The following CDK11A variants were observed in gnomAD, a reference collection of about 807,000 sequenced individuals.
CDK11A encodes cyclin dependent kinase 11A, also known as cyclin-dependent kinase 11A.
A neutral mutation model predicts 83.6 loss-of-function variants in CDK11A; 55 were observed. The observed-to-expected ratio is 0.66, with a 90% confidence interval of 0.53 to 0.82. The LOEUF is 0.82. Ranked by LOEUF, CDK11A falls within the 40% of genes least tolerant of loss-of-function variation. The pLI, the probability that CDK11A is intolerant of heterozygous loss-of-function variation, is 0.00. For missense variants in CDK11A, 564 were observed against 810.1 expected (o/e 0.70, Z 3.69); for synonymous variants, 247 against 302.7 (o/e 0.82, Z 1.91).
intron 3 of CDK11A, among the ~76,000 whole-genome samples, chr1:1,721,193 G>A (rs576498295): frequency 3.9e-5 from 2 of 50,826 alleles, no homozygotes; most frequent in Non-Finnish European, 8.4e-5. Context: ...TTGAGACACC[G>A]TCTCAAAAAA....
intron 11 of CDK11A, among the ~76,000 whole-genome samples, chr1:1,706,954 T>C (rs1389980647): frequency 6.9e-6 from 1 of 144,262 alleles, no homozygotes; most frequent in African/African-American, 2.8e-5. Flanking sequence ...GCCTTATTGA[T>C]AGCTGCCTGA....
Position 1,706,095 on chromosome 1 carries a change from T to C in CDK11A, c.1246-363A>G, listed in dbSNP as rs1188492049. Among the ~76,000 whole-genome samples the C allele has an allele frequency of 1.5e-4, 22 of 150,678 alleles. 1 individual carries two copies. The highest frequency in any genetic ancestry group is 6.3e-4 in the South Asian group (3 of 4,726). On this transcript the variant is annotated intron_variant, in intron 11 of 19. Transcript: ENST00000404249. ...CTGTTTTCTTTTTTTCTTTTTGAGA[T>C]GGAGTCTCGCTCTGTCACCCAGGCT...
rs545959219 is a variant in CDK11A at position 1,708,319 on chromosome 1, C to T, written c.1004-74G>A. On this transcript the variant is annotated intron_variant, in intron 9 of 19. Coordinates refer to ENST00000404249, the MANE Select transcript of CDK11A (RefSeq NM_024011.4). ...TGCCACAGGCAGGATGCGGGCTCCG[C>T]TTCAGCTAAGCAACAAGTGTTCCCA... 1,491 of 1,424,378 alleles carry T rather than the reference C, an allele frequency of 1.0e-3. 38 individuals are homozygous for T. In the African/African-American group the frequency reaches 0.021, roughly 20 times the overall value. 88.2% of individuals were successfully genotyped at this position (1,424,378 alleles called of 1,614,324 possible). A position where few individuals can be genotyped will look rare whatever the true frequency, so the allele number is the denominator to read the frequency against.
chr1:1,716,140 C>G (rs1399877578), intron 5 of CDK11A, among the ~76,000 whole-genome samples: 1 of 150,864 alleles, frequency 6.6e-6, no homozygotes, highest in Non-Finnish European at 1.5e-5. Flanking sequence ...TCAAATCACA[C>G]CCGTTCTTAC....
In CDK11A at chr1:1,703,768, C is replaced by T. The variant is rs554423973; in HGVS notation, c.1911+56G>A. The T allele has an allele frequency of 3.1e-6, 5 of 1,599,284 alleles. No individual in the cohort carries two copies. In the African/African-American group the frequency reaches 4.0e-5, roughly 13 times the overall value. ...CCCAGCACCTGTGCGCCCCGCAGCC[C>T]CATTCCTGCAACTCCTCTGAAATCC... On this transcript the variant is annotated intron_variant, in intron 17 of 19. Transcript: ENST00000404249.
Position 1,703,980 on chromosome 1 carries a change from G to T in CDK11A, c.1795-40C>A, listed in dbSNP as rs368479406. 1.4e-5 allele frequency: 22 copies of T among 1,607,158 alleles called. No homozygotes were observed. In the East Asian group the frequency reaches 4.5e-4, roughly 33 times the overall value. On this transcript the variant is annotated intron_variant, in intron 16 of 19. Transcript: ENST00000404249. ...GAGGTGTTCAGGAAGGCCAGTGCCC[G>T]CGAAGCTGTGGGAGGCTGCATGGGG...
intron 2 of CDK11A, 125 bp from the exon 3 acceptor site, chr1:1,721,836 A>G: frequency 7.6e-7 from 1 of 1,321,532 alleles, no homozygotes. Context: ...TGTACTCTGA[A>G]TGAGCCAGTG....
intron 11 of CDK11A, among the ~76,000 whole-genome samples, chr1:1,706,283 G>T (rs61776844): frequency 0.017 from 2,509 of 150,990 alleles, 75 homozygotes; most frequent in Middle Eastern, 0.058. Context: ...ATATTGGCCA[G>T]GCTGGTCTCG....
In CDK11A at chr1:1,722,842, A is replaced by G; in HGVS notation, c.-13-11T>C. Reference sequence around the variant, plus strand: ...ATTTGAGTTAAAACACTGCAAAAAGAAAAATAATTCAGCCTACATCAGGAC... The same window carrying G: ...ATTTGAGTTAAAACACTGCAAAAAGGAAAATAATTCAGCCTACATCAGGAC... On this transcript the variant is annotated splice_polypyrimidine_tract_variant and intron_variant, in intron 1 of 19. Transcript: ENST00000404249. 8.5e-7 allele frequency: 1 copy of G among 1,175,214 alleles called. No homozygotes were observed. The highest frequency in any genetic ancestry group is 1.4e-5 in the South Asian group (1 of 69,954). 72.8% of individuals were successfully genotyped at this position (1,175,214 alleles called of 1,614,324 possible).
intron 3 of CDK11A, among the ~76,000 whole-genome samples, 192 bp from the exon 4 acceptor site, chr1:1,719,647 G>C (rs1570433845): frequency 8.9e-6 from 1 of 112,318 alleles, no homozygotes; most frequent in African/African-American, 3.3e-5. Flanking sequence ...ACGGAGTCTC[G>C]CTCTGTCACC....
Position 1,721,702 on chromosome 1 carries a change from G to C in CDK11A, c.121C>G (p.Arg41Gly), listed in dbSNP as rs776650584. 1 of 1,581,656 alleles carries C rather than the reference G, an allele frequency of 6.3e-7. No homozygotes were observed. The highest frequency in any genetic ancestry group is 1.7e-5 in the Admixed American group (1 of 59,610). Reference sequence around the variant, plus strand: ...TCAAGGGAATCCCGCTTGGAATCCCGGTCATCAGACTAAGAAGCAAAGAGA... The same window carrying C: ...TCAAGGGAATCCCGCTTGGAATCCCCGTCATCAGACTAAGAAGCAAAGAGA... ...EIKRLKNSDD[R>G]DSKRDSLEEG... is the part of the protein sequence containing the mutation. The change falls in exon 3 of 20, where the codon CGG becomes GGG. Residue 41 changes from arginine to glycine, a missense_variant. By Grantham distance (125) the Arg-to-Gly change is moderately radical. Transcript: ENST00000404249.
At chr1:1,715,238 G>A (rs545017335) in intron 5 of CDK11A, among the ~76,000 whole-genome samples, 6 of 122,036 alleles carry the variant, frequency 4.9e-5, no homozygotes, top group African/African-American at 8.2e-5. Context: ...CCAGGCTGGC[G>A]TCATGCGGTC....
intron 3 of CDK11A, among the ~76,000 whole-genome samples, chr1:1,719,669 G>A (rs1212416073): frequency 5.1e-5 from 3 of 58,296 alleles, no homozygotes; most frequent in Admixed American, 2.5e-4. Context: ...AGGCTGGAGT[G>A]TAGACACGCG....
rs931573624 is a variant in CDK11A, at chr1:1,719,951, T to C, written c.228-496A>G. ...AGATTCAGATGAAAAATGTAAGAAA[T>C]CAATGTTTTGTGCAGATGGAACGAA... On this transcript the variant is annotated intron_variant, in intron 3 of 19. Transcript: ENST00000404249. Among the ~76,000 whole-genome samples the C allele has an allele frequency of 6.7e-5, 10 of 149,244 alleles. No individual in the cohort carries two copies. The Admixed American group carries it at 6.7e-4, about 10-fold the overall frequency.
At chr1:1,704,167 C>A (rs1391152131) in intron 15 of CDK11A, 21 bp from the exon 16 acceptor site, 4 of 1,607,268 alleles carry the variant, frequency 2.5e-6, no homozygotes, top group Non-Finnish European at 3.4e-6. Context: ...AGATGGGCGG[C>A]TGTGGGTGGG....
intron 12 of CDK11A, 53 bp from the exon 13 acceptor site, chr1:1,705,078 A>G: frequency 6.4e-7 from 1 of 1,567,822 alleles, no homozygotes; most frequent in Non-Finnish European, 8.6e-7. Context: ...TCACGGTACC[A>G]ACAGTGGACT....
Position 1,715,898 on chromosome 1 carries a change from G to A in CDK11A, c.488+448C>T, listed in dbSNP as rs1329933976. On this transcript the variant is annotated intron_variant, in intron 5 of 19. Transcript: ENST00000404249. ...AGGAGTCCTAGGAGTCCAGTGTCCC[G>A]ATTTCCAGACTGTTTCAAGGTTTTT... is the stretch of plus-strand genomic sequence containing the variant. Among the ~76,000 whole-genome samples, 7 of 150,938 alleles carry A rather than the reference G, an allele frequency of 4.6e-5. 2 individuals carry two copies. Among genetic ancestry groups the A allele is most frequent in the Admixed American group, 2.0e-4 (3 of 15,082 alleles).
Position 1,703,104 on chromosome 1 carries a change from C to G in CDK11A, c.2226G>C (p.Glu742Asp). 1 of 400,896 alleles carries G rather than the reference C, an allele frequency of 2.5e-6. No individual in the cohort carries two copies. The highest frequency in any genetic ancestry group is 3.5e-5 in the East Asian group (1 of 28,254). 24.8% of individuals were successfully genotyped at this position (400,896 alleles called of 1,614,324 possible). Residue 742 changes from glutamate (E) to aspartate (D), a missense_variant, in exon 19 of 20, where the codon GAG becomes GAC. Physicochemically the swap from Glu to Asp is conservative, Grantham distance 45 (BLOSUM62 2). Around this residue, in one of 5 missense-constraint regions of CDK11A, gnomAD observed 361 missense variants for 402.7 expected, o/e 0.90. Transcript: ENST00000404249. The stretch of plus-strand genomic sequence containing the variant: ...CCAGCTGGCTGTAGCCCAGGCCTCC[C>G]TCAGGGGGCCTCGGGCTGGTGCCCC... ...VKRGTSPRPP[E>D]GGLGYSQLGD... is the part of the protein sequence containing the mutation.
intron 3 of CDK11A, among the ~76,000 whole-genome samples, chr1:1,720,356 C>G (rs1169820472): frequency 6.6e-6 from 1 of 150,400 alleles, no homozygotes; most frequent in Non-Finnish European, 1.5e-5. Context: ...CTCAGCCTCC[C>G]AAAGTGCTGG....
Sources: gnomAD v4.1 joint callset for allele counts (sites outside exome capture counted in the v4.1 genomes callset) on GRCh38, gnomAD v4.1.1 for gene constraint, gnomAD v4.1.1 regional missense constraint, MANE v1.5 for transcripts, NCBI Gene and HGNC (gene_info 2026-07-23, HGNC 2026-07-21) for gene names.